The following CUL2 variants were observed in gnomAD, a reference collection of about 807,000 sequenced individuals.
CUL2 encodes cullin 2, also known as cullin-2.
Under a neutral mutation model 110.2 loss-of-function variants are expected in CUL2, and 22 were observed. That is an observed-to-expected ratio of 0.20 (90% CI 0.14 to 0.28). CUL2 has a LOEUF of 0.28. Ranked by LOEUF, CUL2 falls within the 10% of genes least tolerant of loss-of-function variation. CUL2 has a pLI of 1.00. For synonymous variants in CUL2, 279 were observed against 293.2 expected, an observed-to-expected ratio of 0.95 and a Z score of 0.49; for missense variants, 631 against 905.5, an observed-to-expected ratio of 0.70 and a Z score of 3.89.
At chr10:35,077,195 C>T (rs1403226084) in intron 1 of CUL2, among the ~76,000 whole-genome samples, 1 of 151,784 alleles carries the variant, frequency 6.6e-6, no homozygotes, top group Non-Finnish European at 1.5e-5. Flanking sequence ...TACACACTAT[C>T]ACATGGATGA....
chr10:35,094,085 G>T (rs890445159), upstream of CUL2, among the ~76,000 whole-genome samples: 1 of 152,020 alleles, frequency 6.6e-6, no homozygotes, highest in Admixed American at 6.6e-5. Context: ...TGCCAGGATC[G>T]TGCTTCTTGT....
At chr10:35,012,550 C>T (rs1000721161) in intron 19 of CUL2, among the ~76,000 whole-genome samples, 2 of 152,038 alleles carry the variant, frequency 1.3e-5, no homozygotes, top group African/African-American at 2.4e-5. Flanking sequence ...CCTATCTCCA[C>T]GGAGCTCAAG....
intron 4 of CUL2, among the ~76,000 whole-genome samples, chr10:35,055,685 T>C (rs921890521): frequency 6.6e-6 from 1 of 152,212 alleles, no homozygotes; most frequent in South Asian, 2.1e-4. Flanking sequence ...GCTTACAACC[T>C]TGATGTACCA....
chr10:35,102,222 G>A (rs975033799), intron 1 of CUL2, among the ~76,000 whole-genome samples: 1 of 150,690 alleles, frequency 6.6e-6, no homozygotes, highest in Non-Finnish European at 1.5e-5. Flanking sequence ...GTGACAGAGC[G>A]AGACTCCATC....
At chr10:35,055,558 G>C (rs1564727114) in intron 4 of CUL2, among the ~76,000 whole-genome samples, 1 of 152,138 alleles carries the variant, frequency 6.6e-6, no homozygotes, top group Non-Finnish European at 1.5e-5. Flanking sequence ...CAGCGAGACT[G>C]TCTCTTAAGG....
rs372537030 is a variant in CUL2, at chr10:35,029,644, T to C, written c.1387-4A>G. On this transcript the variant is annotated splice_polypyrimidine_tract_variant and splice_region_variant and intron_variant, in intron 14 of 20. Transcript: ENST00000374749. ...TAAACTCATAACCACAGGCTTGCTA[T>C]AAAAAAGTTTTAGAAAATACATGAA... 74 of 1,576,922 alleles carry C rather than the reference T, an allele frequency of 4.7e-5. No homozygotes were observed. The African/African-American group carries it at 5.8e-4, about 12-fold the overall frequency.
chr10:35,106,980 GTTTT>G (rs1321373094), intron 1 of CUL2, among the ~76,000 whole-genome samples: 26 of 151,354 alleles, frequency 1.7e-4, no homozygotes, highest in Admixed American at 3.3e-4. Flanking sequence ...TTGTTTGTTT[GTTTT>G]TTTGTTTTGA....
chr10:35,034,455 C>T (rs765535616), intron 10 of CUL2, among the ~76,000 whole-genome samples: 1 of 152,172 alleles, frequency 6.6e-6, no homozygotes, highest in Non-Finnish European at 1.5e-5. Context: ...GCTAAGGTAA[C>T]AGCCTCTAAA....
rs1284057058 is a variant in CUL2, at chr10:35,008,747, T to C, written c.*1564A>G. 6.6e-6 allele frequency: 1 copy of C among 152,152 alleles called. No homozygotes were observed. The highest frequency in any genetic ancestry group is 1.5e-5 in the Non-Finnish European group (1 of 68,024). 9.4% of individuals were successfully genotyped at this position (152,152 alleles called of 1,614,324 possible). A position where few individuals can be genotyped will look rare whatever the true frequency, so the allele number is the denominator to read the frequency against. ...GAGACACGAGTTAGAAAAAATGCAA[T>C]TGAATAAACCAATTGTAAGACCCAT... On this transcript the variant is annotated 3_prime_UTR_variant, in exon 21 of 21. Transcript: ENST00000374749.
intron 8 of CUL2, among the ~76,000 whole-genome samples, chr10:35,039,898 A>G (rs530380053): frequency 2.6e-5 from 4 of 152,242 alleles, no homozygotes; most frequent in South Asian, 2.1e-4. Flanking sequence ...CATGCCTGCA[A>G]TCCCAGCACT....
chr10:35,047,684 G>A (rs757145505), intron 6 of CUL2, among the ~76,000 whole-genome samples: 7 of 148,010 alleles, frequency 4.7e-5, no homozygotes, highest in Admixed American at 6.7e-5. Context: ...TTTGGAGGCC[G>A]AGAAAGTTGG....
chr10:35,037,760 T>C (rs2085660360), intron 9 of CUL2, among the ~76,000 whole-genome samples: 1 of 151,844 alleles, frequency 6.6e-6, no homozygotes, highest in Admixed American at 6.6e-5. Flanking sequence ...GGAGAATCGC[T>C]TGAACCCAGG....
intron 1 of CUL2, among the ~76,000 whole-genome samples, chr10:35,105,454 T>C (rs890989809): frequency 2.3e-4 from 34 of 148,110 alleles, no homozygotes; most frequent in African/African-American, 7.5e-4. Flanking sequence ...AACTAAGTAA[T>C]TGGGCCGGGT....
chr10:35,024,343 T>C (rs2085285743), intron 17 of CUL2, among the ~76,000 whole-genome samples: 1 of 152,296 alleles, frequency 6.6e-6, no homozygotes, highest in Middle Eastern at 3.4e-3. Context: ...CATAGTTACT[T>C]GGATAAAGTA....
chr10:35,011,739 A>G, intron 20 of CUL2, 109 bp downstream of exon 20: 1 of 609,462 alleles, frequency 1.6e-6, no homozygotes, highest in South Asian at 2.4e-5. Context: ...TCTTTATGCT[A>G]TCTGAGGATC....
intron 8 of CUL2, among the ~76,000 whole-genome samples, chr10:35,040,561 C>G (rs1051712058): frequency 1.3e-5 from 2 of 152,150 alleles, no homozygotes; most frequent in South Asian, 4.1e-4. Flanking sequence ...AGGCTCCAGA[C>G]AGTAGGTTCC....
upstream of CUL2, among the ~76,000 whole-genome samples, chr10:35,094,630 C>G (rs558113356): frequency 1.3e-4 from 20 of 152,292 alleles, no homozygotes; most frequent in Admixed American, 5.2e-4. Context: ...CCTCTTAACT[C>G]TGGTTGGAAA....
chr10:35,063,587 AATAGGAAT>A (rs1456353324), intron 2 of CUL2, among the ~76,000 whole-genome samples: 1 of 152,146 alleles, frequency 6.6e-6, no homozygotes, highest in Non-Finnish European at 1.5e-5. Flanking sequence ...ATATACCATG[AATAGGAAT>A]ATCAATTAAG....
intron 1 of CUL2, chr10:35,120,570 T>TA (rs2087666136): frequency 6.6e-6 from 1 of 152,178 alleles, no homozygotes; most frequent in African/African-American, 2.4e-5. Context: ...TTAGAGTACT[T>TA]ACTACTCTAA....
Sources: allele counts gnomAD v4.1 joint callset (sites outside exome capture counted in the v4.1 genomes callset), GRCh38; gene constraint gnomAD v4.1.1; transcripts MANE v1.5; gene names NCBI Gene and HGNC (gene_info 2026-07-23, HGNC 2026-07-21).